Variants in TOLLIP observed in about 807,000 individuals in gnomAD.
TOLLIP encodes the protein toll-interacting protein.
A neutral mutation model predicts 33.5 loss-of-function variants in TOLLIP; 16 were observed. That is an observed-to-expected ratio of 0.48 (90% CI 0.32 to 0.72). The LOEUF is 0.72. TOLLIP is among the 30% of genes least tolerant of loss of function. The pLI is 0.03. For synonymous variants in TOLLIP, 176 were observed against 163.7 expected, an observed-to-expected ratio of 1.07 and a Z score of -0.57; for missense variants, 325 against 396.6, an observed-to-expected ratio of 0.82 and a Z score of 1.53.
At chr11:1,287,118 A>G (rs944199080) in intron 4 of TOLLIP, among the ~76,000 whole-genome samples, 8 of 152,232 alleles carry the variant, frequency 5.3e-5, no homozygotes, top group East Asian at 3.9e-4. Flanking sequence ...TCAGCTGTGG[A>G]TAAGTCACTG....
At chr11:1,299,075 G>A (rs1433501496) in intron 1 of TOLLIP, among the ~76,000 whole-genome samples, 1 of 152,252 alleles carries the variant, frequency 6.6e-6, no homozygotes, top group African/African-American at 2.4e-5. Context: ...CCACAGCTGT[G>A]AGAGCTGTTC....
chr11:1,289,977 A>T, intron 3 of TOLLIP: 1 of 511,338 alleles, frequency 2.0e-6, no homozygotes, highest in South Asian at 2.4e-5. Flanking sequence ...GGACACGTGC[A>T]CGCTGTATCC....
In TOLLIP at chr11:1,287,395, G is replaced by C. The variant is rs935315405; in HGVS notation, c.519+1229C>G. Among the ~76,000 whole-genome samples, 55 of 101,200 alleles carry C rather than the reference G, an allele frequency of 5.4e-4. 3 individuals carry two copies. The highest frequency in any genetic ancestry group is 7.5e-4 in the Non-Finnish European group (37 of 49,200). 66.4% of individuals were successfully genotyped at this position (101,200 alleles called of 152,430 possible). ...CCCAGAAAAGCAGCTCCCTGCTGCT[G>C]CCTCCCCGCCGCAGCCTCCCCGCCG... is the stretch of plus-strand genomic sequence containing the variant. On this transcript the variant is annotated intron_variant, in intron 4 of 5. Coordinates refer to ENST00000317204, the MANE Select transcript of TOLLIP (RefSeq NM_019009.4).
At chr11:1,283,428 G>A (rs1012909390) in intron 5 of TOLLIP, 13 of 409,060 alleles carry the variant, frequency 3.2e-5, no homozygotes, top group Admixed American at 2.4e-4. Context: ...CTAGATGGCC[G>A]TACTGTGCCA....
rs748563320 is a variant in TOLLIP at position 1,276,725 on chromosome 11, A to C, written c.*314T>G. ...TCCACCACCTCCAACACCCTGGCAG[A>C]AGCAGCTGCTCTCTACAGCAAGAGC... On this transcript the variant is annotated 3_prime_UTR_variant, in exon 6 of 6. Coordinates refer to ENST00000317204, the MANE Select transcript of TOLLIP (RefSeq NM_019009.4). 6.2e-5 allele frequency: 90 copies of C among 1,445,952 alleles called. No homozygotes were observed. In the Admixed American group the frequency reaches 1.9e-3, roughly 30 times the overall value. 89.6% of individuals were successfully genotyped at this position (1,445,952 alleles called of 1,614,324 possible).
chr11:1,278,023 G>A lies in TOLLIP; in HGVS notation c.611-770C>T, dbSNP rs893243421. ...CCCTCGCCCCATGTCTGATGCGGGAGGACACACTGAGATGCAATCTATCGA... is the reference window on the plus strand; with the variant it reads ...CCCTCGCCCCATGTCTGATGCGGGAAGACACACTGAGATGCAATCTATCGA... On this transcript the variant is annotated intron_variant, in intron 5 of 5. Coordinates refer to ENST00000317204, the MANE Select transcript of TOLLIP (RefSeq NM_019009.4). The surrounding 1 kb of genome is among the most constrained non-coding windows in gnomAD (Gnocchi z 4.7). Among the ~76,000 whole-genome samples, 2 of 152,162 alleles carry A rather than the reference G, an allele frequency of 1.3e-5. No individual in the cohort carries two copies. The highest frequency in any genetic ancestry group is 2.9e-5 in the Non-Finnish European group (2 of 68,024).
chr11:1,288,552 G>A, intron 4 of TOLLIP, 72 bp downstream of exon 4: 2 of 1,502,292 alleles, frequency 1.3e-6, no homozygotes, highest in Admixed American at 1.9e-5. Context: ...AAGGGTGTCT[G>A]TGGGGCGGCA....
At chr11:1,309,275 G>A (rs1264373199) in intron 1 of TOLLIP, among the ~76,000 whole-genome samples, 191 bp downstream of exon 1, 1 of 151,998 alleles carries the variant, frequency 6.6e-6, no homozygotes, top group Non-Finnish European at 1.5e-5. Context: ...CAGCGTGGGC[G>A]CGTCCGTCCG....
At chr11:1,285,853 G>C (rs1590211497) in intron 5 of TOLLIP, 149 bp downstream of exon 5, 1 of 478,432 alleles carries the variant, frequency 2.1e-6, no homozygotes, top group Non-Finnish European at 3.7e-6. Flanking sequence ...GGCCTGAAAG[G>C]ATCTGTGTGC....
intron 4 of TOLLIP, among the ~76,000 whole-genome samples, chr11:1,288,002 G>C (rs1241808563): frequency 6.6e-6 from 1 of 152,040 alleles, no homozygotes; most frequent in Non-Finnish European, 1.5e-5. Flanking sequence ...ATACAGACGA[G>C]ACGGCAGGAG....
Position 1,300,316 on chromosome 11 carries a change from C to A in TOLLIP, c.34-4522G>T, listed in dbSNP as rs565608802. 9.2e-5 allele frequency among the ~76,000 whole-genome samples: 14 copies of A among 152,358 alleles called. No individual in the cohort carries two copies. In the East Asian group the frequency reaches 2.5e-3, roughly 27 times the overall value. On this transcript the variant is annotated intron_variant, in intron 1 of 5. Coordinates refer to ENST00000317204, the MANE Select transcript of TOLLIP (RefSeq NM_019009.4). ...AGAGGATCACGACGCAAGCCTGTGA[C>A]TGACGACCATTCCTCCCTCACTGAC...
intron 1 of TOLLIP, among the ~76,000 whole-genome samples, chr11:1,301,496 C>A (rs1280588384): frequency 6.9e-6 from 1 of 145,834 alleles, no homozygotes; most frequent in African/African-American, 2.5e-5. Context: ...ACCCAGAAAA[C>A]CCAGGGACAA....
chr11:1,298,932 C>T (rs1345490008), intron 1 of TOLLIP, among the ~76,000 whole-genome samples: 2 of 152,248 alleles, frequency 1.3e-5, no homozygotes, highest in Non-Finnish European at 2.9e-5. Context: ...GCCTGAGAGA[C>T]GGTCCCAGAT....
chr11:1,291,667 C>T (rs1368595658), intron 2 of TOLLIP, among the ~76,000 whole-genome samples: 3 of 150,872 alleles, frequency 2.0e-5, no homozygotes, highest in South Asian at 2.1e-4. Flanking sequence ...GCCCCGTCCT[C>T]GCTGACCCCC....
Position 1,282,451 on chromosome 11 carries a change from C to T in TOLLIP, c.610+3551G>A, listed in dbSNP as rs922858643. Among the ~76,000 whole-genome samples, 4 of 148,360 alleles carry T rather than the reference C, an allele frequency of 2.7e-5. No individual in the cohort carries two copies. The East Asian group carries it at 7.9e-4, about 29-fold the overall frequency. Reference sequence around the variant, plus strand: ...AAACCTGCACATTGCGCACATGTACCCTAAAACTTAAAGTATAATTAAAAT... The same window carrying T: ...AAACCTGCACATTGCGCACATGTACTCTAAAACTTAAAGTATAATTAAAAT... On this transcript the variant is annotated intron_variant, in intron 5 of 5. Coordinates refer to ENST00000317204, the MANE Select transcript of TOLLIP (RefSeq NM_019009.4).
At chr11:1,304,140 G>C (rs1277233429) in intron 1 of TOLLIP, among the ~76,000 whole-genome samples, 3 of 152,030 alleles carry the variant, frequency 2.0e-5, no homozygotes, top group Non-Finnish European at 4.4e-5. Context: ...GAAAGCCGGA[G>C]GAAGGGACAT....
intron 4 of TOLLIP, among the ~76,000 whole-genome samples, chr11:1,288,286 A>G (rs1863812896): frequency 6.6e-6 from 1 of 152,166 alleles, no homozygotes; most frequent in African/African-American, 2.4e-5. Context: ...GCTCAGCTGG[A>G]CCCTAAGGGC....
rs1213492626 is a variant in TOLLIP, at chr11:1,288,787, CAA to C, written c.367-13_367-12del. Reference sequence around the variant, plus strand: ...CATGGAGAAGGCTCTCTGCGGGAGACAAGAGGGAGAGGCCCCAGGCATCAGGG... The same window carrying C: ...CATGGAGAAGGCTCTCTGCGGGAGACGAGGGAGAGGCCCCAGGCATCAGGG... On this transcript the variant is annotated splice_polypyrimidine_tract_variant and intron_variant, in intron 3 of 5. Coordinates refer to ENST00000317204, the MANE Select transcript of TOLLIP (RefSeq NM_019009.4). 6 of 1,609,152 alleles carry C rather than the reference CAA, an allele frequency of 3.7e-6. No individual in the cohort carries two copies. Among genetic ancestry groups the C allele is most frequent in the Middle Eastern group, 1.6e-4 (1 of 6,062 alleles).
At chr11:1,309,415 C>T in intron 1 of TOLLIP, 51 bp downstream of exon 1, 1 of 1,154,116 alleles carries the variant, frequency 8.7e-7, no homozygotes, top group Non-Finnish European at 1.1e-6. Context: ...CAAGGCCCCG[C>T]CCGCAACCGC....
Sources: allele counts gnomAD v4.1 joint callset (sites outside exome capture counted in the v4.1 genomes callset), GRCh38; gene constraint gnomAD v4.1.1; non-coding constraint Gnocchi (gnomAD v3.1); transcripts MANE v1.5; gene names NCBI Gene and HGNC (gene_info 2026-07-23, HGNC 2026-07-21).